The following CWF19L2 variants were observed in gnomAD, a reference collection of about 807,000 sequenced individuals.
The protein encoded by CWF19L2 is CWF19 like cell cycle control factor 2.
Under a neutral mutation model 111.7 loss-of-function variants are expected in CWF19L2, and 98 were observed. The observed-to-expected ratio is 0.88, with a 90% CI of 0.75 to 1.04. CWF19L2 has a LOEUF of 1.04. CWF19L2 is among the 50% of genes least tolerant of loss of function. The pLI is 0.00. For missense variants in CWF19L2, 1,101 were observed against 1,051.4 expected, an observed-to-expected ratio of 1.05 and a Z score of -0.65; for synonymous variants, 351 against 342.9, an observed-to-expected ratio of 1.02 and a Z score of -0.26.
At chr11:107,330,895 C>T (rs1048103248) in intron 16 of CWF19L2, among the ~76,000 whole-genome samples, 25 of 152,056 alleles carry the variant, frequency 1.6e-4, no homozygotes, top group Admixed American at 2.6e-4. Context: ...TCACATGGTC[C>T]TACTTAACCA....
At chr11:107,336,470 A>C in intron 15 of CWF19L2, 88 bp downstream of exon 15, 1 of 1,079,986 alleles carries the variant, frequency 9.3e-7, no homozygotes, top group Non-Finnish European at 1.3e-6. Context: ...AGTATATAGG[A>C]GAAAAATATG....
Position 107,329,994 on chromosome 11 carries a change from G to T in CWF19L2, c.2465C>A (p.Ser822Tyr). The change falls in exon 17 of 18, where the codon TCT becomes TAT. Residue 822 changes from serine to tyrosine, a missense_variant. By Grantham distance (144) the Ser-to-Tyr change is moderately radical. Coordinates refer to ENST00000282251, the MANE Select transcript of CWF19L2 (RefSeq NM_152434.3). ...KSVPRGLPYF[S>Y]VDFGLHGGFA... ...CCCTCCGTGAAGGCCAAAATCCACA[G>T]AGAAGTAAGGTAACCCTCTGGGTAC... is the stretch of plus-strand genomic sequence containing the variant. 1 of 1,582,824 alleles carries T rather than the reference G, an allele frequency of 6.3e-7. No individual in the cohort carries two copies.
At chr11:107,407,126 G>A (rs1253867386) in intron 10 of CWF19L2, among the ~76,000 whole-genome samples, 1 of 151,624 alleles carries the variant, frequency 6.6e-6, no homozygotes, top group African/African-American at 2.4e-5. Context: ...ATTAACAACT[G>A]TCTACTATAA....
chr11:107,330,454 T>G (rs1859829163), intron 16 of CWF19L2, among the ~76,000 whole-genome samples: 1 of 152,082 alleles, frequency 6.6e-6, no homozygotes, highest in Admixed American at 6.6e-5. Flanking sequence ...AGTTATATAT[T>G]TATCAAAGAT....
intron 12 of CWF19L2, among the ~76,000 whole-genome samples, chr11:107,360,995 T>C (rs1172027071): frequency 6.6e-6 from 1 of 152,236 alleles, no homozygotes; most frequent in Non-Finnish European, 1.5e-5. Context: ...TTGCTCAGGC[T>C]TTTGAGGTCT....
Position 107,411,063 on chromosome 11 carries a change from T to C in CWF19L2, c.1617+5146A>G, listed in dbSNP as rs577814775. 2.1e-5 allele frequency among the ~76,000 whole-genome samples: 3 copies of C among 141,378 alleles called. No homozygotes were observed. In the South Asian group the frequency reaches 6.9e-4, roughly 33 times the overall value. The allele number at this position is 141,378 out of a possible 152,430, so 92.7% of individuals were successfully genotyped here. On this transcript the variant is annotated intron_variant, in intron 10 of 17. Coordinates refer to ENST00000282251, the MANE Select transcript of CWF19L2 (RefSeq NM_152434.3). Reference sequence around the variant, plus strand: ...GCTTAGGTCTATGCTTTTATAAGAGTGTGGTGTGTGTGTGCGCGCGTGCGT... The same window carrying C: ...GCTTAGGTCTATGCTTTTATAAGAGCGTGGTGTGTGTGTGCGCGCGTGCGT...
intron 14 of CWF19L2, among the ~76,000 whole-genome samples, chr11:107,347,675 CAT>C (rs1459029833): frequency 8.5e-5 from 13 of 152,182 alleles, no homozygotes; most frequent in Admixed American, 2.6e-4. Flanking sequence ...AAATACACCA[CAT>C]ATTTTGGCAG....
At chr11:107,358,819 G>C (rs563447130) in intron 12 of CWF19L2, among the ~76,000 whole-genome samples, 1 of 152,238 alleles carries the variant, frequency 6.6e-6, no homozygotes, top group East Asian at 1.9e-4. Flanking sequence ...ACCCAAGAGT[G>C]GCCTTAGGGA....
At chr11:107,402,873 G>GTA (rs145828149) in intron 10 of CWF19L2, among the ~76,000 whole-genome samples, 7,925 of 94,104 alleles carry the variant, frequency 0.084, 701 homozygotes, top group Admixed American at 0.18. Context: ...ACTGTGGTGT[G>GTA]TATATATATA....
rs1861253597 is a variant in CWF19L2 at position 107,418,117 on chromosome 11, T to C, written c.1527+77A>G. On this transcript the variant is annotated intron_variant, in intron 9 of 17. Transcript: ENST00000282251. The stretch of plus-strand genomic sequence containing the variant: ...TCACAGTGTGCTATATCCACACTGC[T>C]AAGGAACTTCTAAAATTACTCATAA... 4.4e-6 allele frequency: 4 copies of C among 917,544 alleles called. No individual in the cohort carries two copies. In the Admixed American group the frequency reaches 6.9e-5, roughly 16 times the overall value. The allele number at this position is 917,544 out of a possible 1,614,324, so 56.8% of individuals were successfully genotyped here.
chr11:107,429,621 A>G lies in CWF19L2; in HGVS notation c.781-170T>C, dbSNP rs1861435421. On this transcript the variant is annotated intron_variant, in intron 7 of 17. Transcript: ENST00000282251. ...TATACGGAAACGAATACTTTCTAAA[A>G]ATGTGTAAACAATTAAAAATTATTA... 3.9e-5 allele frequency among the ~76,000 whole-genome samples: 6 copies of G among 152,204 alleles called. No individual in the cohort carries two copies. In the South Asian group the frequency reaches 1.2e-3, roughly 31 times the overall value.
At chr11:107,406,459 A>C (rs901417084) in intron 10 of CWF19L2, among the ~76,000 whole-genome samples, 1 of 152,198 alleles carries the variant, frequency 6.6e-6, no homozygotes, top group Non-Finnish European at 1.5e-5. Flanking sequence ...CAGTGGGTGG[A>C]CTGAACACCA....
chr11:107,430,416 A>G (rs1262883557), intron 7 of CWF19L2, among the ~76,000 whole-genome samples: 1 of 152,190 alleles, frequency 6.6e-6, no homozygotes, highest in African/African-American at 2.4e-5. Context: ...AGAGAATTCA[A>G]TTCACAGTCA....
chr11:107,454,908 CATACAT>C (rs1174579001), intron 2 of CWF19L2, among the ~76,000 whole-genome samples: 2 of 152,104 alleles, frequency 1.3e-5, no homozygotes, highest in Non-Finnish European at 1.5e-5. Flanking sequence ...CACAAACACA[CATACAT>C]ATAATATCCC....
In CWF19L2 at chr11:107,402,869, G is replaced by GTATATA. The variant is rs1491324734; in HGVS notation, c.1618-9975_1618-9974insTATATA. On this transcript the variant is annotated intron_variant, in intron 10 of 17. Coordinates refer to ENST00000282251, the MANE Select transcript of CWF19L2 (RefSeq NM_152434.3). ...TCAACGAGTGGATAAACAAACTGTG[G>GTATATA]TGTGTATATATATATATATATATAT... Among the ~76,000 whole-genome samples the GTATATA allele has an allele frequency of 1.5e-3, 33 of 22,020 alleles. 4 individuals are homozygous for GTATATA. Among genetic ancestry groups the GTATATA allele is most frequent in the Admixed American group, 6.8e-3 (12 of 1,770 alleles). The allele number at this position is 22,020 out of a possible 152,430, so 14.4% of individuals were successfully genotyped here. A position where few individuals can be genotyped will look rare whatever the true frequency, so the allele number is the denominator to read the frequency against.
Position 107,418,285 on chromosome 11 carries a change from C to T in CWF19L2, c.1436G>A (p.Ser479Asn), listed in dbSNP as rs372272088. 6.2e-7 allele frequency: 1 copy of T among 1,604,802 alleles called. No homozygotes were observed. The highest frequency in any genetic ancestry group is 8.5e-7 in the Non-Finnish European group (1 of 1,171,608). Residue 479 changes from serine to asparagine, a missense_variant and splice_region_variant, in exon 9 of 18, where the codon AGT becomes AAT. Physicochemically the swap from Ser to Asn is conservative, Grantham distance 46. Coordinates refer to ENST00000282251, the MANE Select transcript of CWF19L2 (RefSeq NM_152434.3). ...GATGTGAATGGACTCACGCTCTGGACTGCTATTGGAATAGGAAAGATTAAC... is the reference window on the plus strand; with the variant it reads ...GATGTGAATGGACTCACGCTCTGGATTGCTATTGGAATAGGAAAGATTAAC... ...LRDTKSTFAG[S>N]PERESIHILS... is the part of the protein sequence containing the mutation.
chr11:107,343,134 T>C (rs772096218), intron 14 of CWF19L2, among the ~76,000 whole-genome samples: 2 of 152,210 alleles, frequency 1.3e-5, no homozygotes, highest in African/African-American at 2.4e-5. Flanking sequence ...AGGAAACTAG[T>C]GCAATGGTGT....
Position 107,373,250 on chromosome 11 carries a change from G to A in CWF19L2, c.1872+16824C>T, listed in dbSNP as rs1468343560. Among the ~76,000 whole-genome samples, 3 of 127,498 alleles carry A rather than the reference G, an allele frequency of 2.4e-5. 1 individual carries two copies. The highest frequency in any genetic ancestry group is 1.0e-4 in the African/African-American group (3 of 29,924). The allele number at this position is 127,498 out of a possible 152,430, so 83.6% of individuals were successfully genotyped here. A position where few individuals can be genotyped will look rare whatever the true frequency, so the allele number is the denominator to read the frequency against. ...GGTAAACAAAGCAGCCAGGAAGCTC[G>A]AACTGGGTGGAGCCCACCACAGCTC... is the stretch of plus-strand genomic sequence containing the variant. On this transcript the variant is annotated intron_variant, in intron 12 of 17. Transcript: ENST00000282251.
chr11:107,403,275 C>A, intron 10 of CWF19L2: 1 of 420,530 alleles, frequency 2.4e-6, no homozygotes, highest in South Asian at 3.0e-5. Context: ...TATTTATCTG[C>A]AAAAGACACT....
Sources: allele counts gnomAD v4.1 joint callset (sites outside exome capture counted in the v4.1 genomes callset), GRCh38; gene constraint gnomAD v4.1.1; transcripts MANE v1.5; gene names NCBI Gene and HGNC (gene_info 2026-07-23, HGNC 2026-07-21).